Variants in HIVEP3 observed in about 807,000 individuals in gnomAD.
HIVEP3 encodes the protein HIVEP zinc finger 3.
A neutral mutation model predicts 152.8 loss-of-function variants in HIVEP3; 49 were observed. The ratio of observed to expected loss-of-function variants is 0.32; its 90% CI spans 0.26 to 0.41. The LOEUF (loss-of-function observed/expected upper bound fraction) is 0.41. HIVEP3 is among the 10% of genes least tolerant of loss of function. The probability of loss-of-function intolerance (pLI) is 1.00; values close to 1 mark genes in which losing one functional copy is unlikely to be tolerated. For missense variants in HIVEP3, 2,790 were observed against 3,103.3 expected (o/e 0.90, Z 2.40); for synonymous variants, 1,269 against 1,289.0 (o/e 0.98, Z 0.33).
At position 41,584,739 on chromosome 1, in the gene HIVEP3, C is replaced by T. The variant is rs769149139; in HGVS notation, c.59G>A (p.Arg20Gln). The T allele has an allele frequency of 7.3e-5, 111 of 1,524,400 alleles. No individual in the cohort carries two copies. Among genetic ancestry groups the T allele is most frequent in the Non-Finnish European group, 8.8e-5 (100 of 1,138,384 alleles). 94.4% of individuals were successfully genotyped at this position (1,524,400 alleles called of 1,614,324 possible). Residue 20 changes from arginine to glutamine, a missense_variant, in exon 4 of 9, where the codon CGG (arginine) becomes CAG (glutamine). Around this residue, in one of 9 missense-constraint regions of HIVEP3, gnomAD observed 209 missense variants for 237.0 expected, o/e 0.88. Coordinates refer to ENST00000372583, the MANE Select transcript of HIVEP3 (RefSeq NM_024503.5). The surrounding 1 kb of genome is among the most constrained non-coding windows in gnomAD (Gnocchi z 5.2). The stretch of plus-strand genomic sequence containing the variant: ...CTGAATGGCCTCTCCTTTGGTCAGC[C>T]GCTTCCGGGGACTTCCCTCAGCCTT... Reference protein sequence around the residue: ...TKKAEGSPRKRLTKGEAIQTS... With the variant: ...TKKAEGSPRKQLTKGEAIQTS...
intron 1 of HIVEP3, among the ~76,000 whole-genome samples, chr1:41,929,051 G>C (rs1051238389): frequency 1.3e-5 from 2 of 152,048 alleles, no homozygotes; most frequent in African/African-American, 2.4e-5. Flanking sequence ...CAAATACTTT[G>C]AGACTATGCA....
At chr1:41,532,681 GATCCAGAAGT>G in intron 5 of HIVEP3, among the ~76,000 whole-genome samples, 1 of 152,110 alleles carries the variant, frequency 6.6e-6, no homozygotes, top group Non-Finnish European at 1.5e-5. Context: ...GAGAAACCAA[GATCCAGAAGT>G]TTCAACTTGG....
intron 7 of HIVEP3, among the ~76,000 whole-genome samples, chr1:41,516,261 A>G (rs1642603479): frequency 6.7e-6 from 1 of 148,994 alleles, no homozygotes; most frequent in Non-Finnish European, 1.5e-5. Flanking sequence ...CCGCTGGGAG[A>G]GGCCACACGG....
In HIVEP3 at chr1:41,580,794, T is replaced by C; in HGVS notation, c.4004A>G (p.Tyr1335Cys). The C allele has an allele frequency of 6.3e-7, 1 of 1,577,658 alleles. No homozygotes were observed. Among genetic ancestry groups the C allele is most frequent in the Non-Finnish European group, 8.6e-7 (1 of 1,161,956 alleles). ...TNMPSYGSAM[Y>C]TTLSQILVTQ... The stretch of plus-strand genomic sequence containing the variant: ...GACCAAGATCTGGGAAAGGGTGGTG[T>C]ACATTGCGCTCCCATAGGACGGCAT... Residue 1335 changes from tyrosine to cysteine, a missense_variant, in exon 4 of 9, where the codon TAC becomes TGC. Tyr to Cys is a radical substitution (Grantham distance 194). Around this residue, in one of 9 missense-constraint regions of HIVEP3, gnomAD observed 1,078 missense variants for 1,165.3 expected, o/e 0.93. Coordinates refer to ENST00000372583, the MANE Select transcript of HIVEP3 (RefSeq NM_024503.5).
At chr1:41,666,317 T>C (rs1335437323) in intron 2 of HIVEP3, among the ~76,000 whole-genome samples, 1 of 152,188 alleles carries the variant, frequency 6.6e-6, no homozygotes, top group Non-Finnish European at 1.5e-5. Context: ...GCCTGAGAAC[T>C]GTGTTTCCAG....
intron 1 of HIVEP3, among the ~76,000 whole-genome samples, chr1:41,778,964 T>C (rs933389563): frequency 1.3e-5 from 2 of 152,170 alleles, no homozygotes; most frequent in African/African-American, 4.8e-5. Context: ...AAACAGCATA[T>C]GCATATGGCC....
At chr1:41,589,352 C>T (rs953567713) in intron 3 of HIVEP3, among the ~76,000 whole-genome samples, 2 of 152,234 alleles carry the variant, frequency 1.3e-5, no homozygotes, top group Non-Finnish European at 2.9e-5. Context: ...GGTTAGCTCC[C>T]ACTTCAAGAA....
intron 3 of HIVEP3, among the ~76,000 whole-genome samples, chr1:41,590,932 C>A (rs774246352): frequency 2.0e-5 from 3 of 152,138 alleles, no homozygotes; most frequent in African/African-American, 7.2e-5. Flanking sequence ...TGATGGTCCC[C>A]TAATCTGGAC....
At chr1:41,720,512 G>A (rs1355715762) in intron 1 of HIVEP3, among the ~76,000 whole-genome samples, 3 of 152,224 alleles carry the variant, frequency 2.0e-5, no homozygotes, top group Non-Finnish European at 4.4e-5. Flanking sequence ...GTGAGGAGTT[G>A]AGGGAGCTAC....
At chr1:42,034,101 G>A (rs1356204839) in intron 1 of HIVEP3, among the ~76,000 whole-genome samples, 1 of 152,064 alleles carries the variant, frequency 6.6e-6, no homozygotes, top group Non-Finnish European at 1.5e-5. Context: ...ACCAAATCTT[G>A]TTAGCTCTGA....
At chr1:41,944,479 G>A (rs560479969) in intron 1 of HIVEP3, among the ~76,000 whole-genome samples, 129 of 152,236 alleles carry the variant, frequency 8.5e-4, no homozygotes, top group Non-Finnish European at 1.3e-3. Context: ...TCTCTGAAAC[G>A]AATTTGCATA....
intron 1 of HIVEP3, among the ~76,000 whole-genome samples, chr1:42,031,748 C>T (rs1385468321): frequency 1.3e-5 from 2 of 152,132 alleles, no homozygotes; most frequent in Non-Finnish European, 2.9e-5. Flanking sequence ...TTTTTTCCCA[C>T]ATACACAATA....
At chr1:41,576,104 C>G (rs1014779065) in intron 4 of HIVEP3, among the ~76,000 whole-genome samples, 1 of 152,240 alleles carries the variant, frequency 6.6e-6, no homozygotes, top group Non-Finnish European at 1.5e-5. Flanking sequence ...AGGCTCCACT[C>G]TGCCTTTGGA....
chr1:41,685,924 C>T (rs1646107715), intron 2 of HIVEP3, among the ~76,000 whole-genome samples: 1 of 152,132 alleles, frequency 6.6e-6, no homozygotes, highest in African/African-American at 2.4e-5. Flanking sequence ...CTGTGTGTAA[C>T]AGTGGAAACA....
At chr1:41,915,136 CAA>C (rs34627841) in intron 1 of HIVEP3, among the ~76,000 whole-genome samples, 1,748 of 149,048 alleles carry the variant, frequency 0.012, 35 homozygotes, top group African/African-American at 0.039. Context: ...AAGAATCATG[CAA>C]AAAAAAAAAA....
At chr1:41,741,620 T>C (rs918384898) in intron 1 of HIVEP3, among the ~76,000 whole-genome samples, 2 of 152,132 alleles carry the variant, frequency 1.3e-5, no homozygotes, top group African/African-American at 4.8e-5. Context: ...TACAGGTGAG[T>C]CACGCTGAGG....
chr1:41,627,344 C>T (rs752010), intron 3 of HIVEP3, among the ~76,000 whole-genome samples: 89,165 of 152,046 alleles, frequency 0.59, 27,588 homozygotes, highest in African/African-American at 0.79. Flanking sequence ...CCAGTAAGTG[C>T]CTCACACAAC....
rs1433010076 is a variant in HIVEP3 at position 41,992,155 on chromosome 1, T to G, written n.119+43652A>C. Among the ~76,000 whole-genome samples the G allele has an allele frequency of 3.0e-4, 43 of 143,534 alleles. No individual in the cohort carries two copies. In the South Asian group the frequency reaches 9.0e-3, roughly 30 times the overall value. 94.2% of individuals were successfully genotyped at this position (143,534 alleles called of 152,430 possible). ...TGTTGGAAGTTCTGGCCAGGGCAAT[T>G]AGGCAGGAGAAGGAAATAAAGGGTA... On this transcript the variant is annotated intron_variant and non_coding_transcript_variant, in intron 1 of 3. Transcript: ENST00000489103.
intron 1 of HIVEP3, among the ~76,000 whole-genome samples, chr1:41,928,290 G>A (rs1054167999): frequency 2.6e-5 from 4 of 152,194 alleles, no homozygotes; most frequent in Admixed American, 2.6e-4. Context: ...AGTCTAAAGT[G>A]TCCCTTATAG....
Sources: gnomAD v4.1 joint callset for allele counts (sites outside exome capture counted in the v4.1 genomes callset) on GRCh38, gnomAD v4.1.1 for gene constraint, gnomAD v4.1.1 regional missense constraint, Gnocchi (gnomAD v3.1) non-coding constraint, MANE v1.5 for transcripts, NCBI Gene and HGNC (gene_info 2026-07-23, HGNC 2026-07-21) for gene names.